C17orf67: variants seen among roughly 807,000 people sequenced by gnomAD.
C17orf67 encodes uncharacterized protein C17orf67.
A neutral mutation model predicts 11.2 loss-of-function variants in C17orf67; 12 were observed. The observed-to-expected ratio is 1.07, with a 90% confidence interval of 0.68 to 1.73. C17orf67 has a LOEUF of 1.73. C17orf67 is among the 40% of genes most tolerant of loss of function. The pLI, the probability that C17orf67 is intolerant of heterozygous loss-of-function variation, is 0.00. For synonymous variants in C17orf67, 59 were observed against 46.9 expected (o/e 1.26, Z -1.05); for missense variants, 115 against 113.5 (o/e 1.01, Z -0.06).
intron 6 of C17orf67, among the ~76,000 whole-genome samples, chr17:56,809,334 T>G (rs1167976845): frequency 6.6e-6 from 1 of 151,898 alleles, no homozygotes. Flanking sequence ...TGCTGTGGCA[T>G]CCAAGTACCT....
intron 6 of C17orf67, among the ~76,000 whole-genome samples, chr17:56,800,981 T>C (rs1905307275): frequency 6.6e-6 from 1 of 152,244 alleles, no homozygotes; most frequent in Admixed American, 6.5e-5. Context: ...CCCAGGAGTT[T>C]GAGGCTTCAG....
rs374561084 is a variant in C17orf67, at chr17:56,827,163, C to T, written c.-556-1842G>A. 2.5e-4 allele frequency among the ~76,000 whole-genome samples: 38 copies of T among 152,376 alleles called. No homozygotes were observed. The South Asian group carries it at 7.5e-3, about 30-fold the overall frequency. ...ATCCCAACATTCAAAACTGTGCCAG[C>T]TCTCACCAGATGGTGAGAAAGTGCG... is the stretch of plus-strand genomic sequence containing the variant. On this transcript the variant is annotated intron_variant, in intron 2 of 7. Transcript: ENST00000397861.
intron 4 of C17orf67, among the ~76,000 whole-genome samples, chr17:56,819,897 G>C (rs1212452821): frequency 6.6e-6 from 1 of 152,228 alleles, no homozygotes; most frequent in Non-Finnish European, 1.5e-5. Context: ...AGGGGAAAGA[G>C]CTCAAGGCCA....
chr17:56,801,808 T>C (rs911110875), intron 6 of C17orf67, among the ~76,000 whole-genome samples: 3 of 152,196 alleles, frequency 2.0e-5, no homozygotes, highest in African/African-American at 7.2e-5. Flanking sequence ...TGCAGTCTTG[T>C]AAATAAGGAA....
At chr17:56,825,944 A>AATGT (rs1906015489) in intron 2 of C17orf67, among the ~76,000 whole-genome samples, 1 of 90,186 alleles carries the variant, frequency 1.1e-5, no homozygotes, top group Non-Finnish European at 2.5e-5. Context: ...GAAACCTGTG[A>AATGT]GTGTGTGTGT....
At chr17:56,806,402 A>G (rs142837006) in intron 6 of C17orf67, among the ~76,000 whole-genome samples, 287 of 152,334 alleles carry the variant, frequency 1.9e-3, no homozygotes, top group African/African-American at 6.6e-3. Context: ...ACATCAAATC[A>G]CCACCTTTAA....
At chr17:56,815,095 A>G (rs1212917595) in intron 5 of C17orf67, 126 bp from the exon 6 acceptor site, 1 of 790,128 alleles carries the variant, frequency 1.3e-6, no homozygotes, top group African/African-American at 1.7e-5. Flanking sequence ...TTTCCCGGGG[A>G]CCTGTCCCAA....
At chr17:56,818,854 T>C (rs1905828174) in intron 4 of C17orf67, among the ~76,000 whole-genome samples, 1 of 152,198 alleles carries the variant, frequency 6.6e-6, no homozygotes, top group African/African-American at 2.4e-5. Flanking sequence ...GCTACCATAT[T>C]AGACAACATG....
At chr17:56,819,869 C>T (rs1905856642) in intron 4 of C17orf67, among the ~76,000 whole-genome samples, 1 of 152,096 alleles carries the variant, frequency 6.6e-6, no homozygotes, top group African/African-American at 2.4e-5. Flanking sequence ...GAAGGTGGAA[C>T]CAGGGACAAC....
chr17:56,824,127 T>C (rs939695296), intron 4 of C17orf67, among the ~76,000 whole-genome samples: 1 of 152,216 alleles, frequency 6.6e-6, no homozygotes, highest in Non-Finnish European at 1.5e-5. Context: ...AGCACCACCC[T>C]CCTGAATGGA....
chr17:56,804,174 C>T (rs1208986524), intron 6 of C17orf67: 1 of 152,140 alleles, frequency 6.6e-6, no homozygotes, highest in Non-Finnish European at 1.5e-5. Context: ...AATTATTTCT[C>T]AGTAATTAGA....
At chr17:56,832,343 T>C (rs1906231362) in intron 2 of C17orf67, among the ~76,000 whole-genome samples, 1 of 152,234 alleles carries the variant, frequency 6.6e-6, no homozygotes, top group South Asian at 2.1e-4. Flanking sequence ...GAACTCACTG[T>C]TGGCTATTGC....
chr17:56,820,450 ACACT>A lies in C17orf67; in HGVS notation c.-201+4285_-201+4288del, dbSNP rs376845780. On this transcript the variant is annotated intron_variant, in intron 4 of 7. Transcript: ENST00000397861. The stretch of plus-strand genomic sequence containing the variant: ...CACACTCTCACACACCCACCCACAC[ACACT>A]CACGCGGGGACAATTCAGACACACC... Among the ~76,000 whole-genome samples, 489 of 152,076 alleles carry A rather than the reference ACACT, an allele frequency of 3.2e-3. 1 individual carries two copies. The highest frequency in any genetic ancestry group is 5.6e-3 in the Non-Finnish European group (378 of 68,002).
chr17:56,800,105 G>A (rs1223595835), intron 6 of C17orf67, among the ~76,000 whole-genome samples: 5 of 121,840 alleles, frequency 4.1e-5, no homozygotes, highest in East Asian at 2.4e-4. Context: ...TCGCTCTGTC[G>A]CCCAGGCTGG....
chr17:56,804,718 T>C (rs1905404740), intron 6 of C17orf67, among the ~76,000 whole-genome samples: 1 of 152,098 alleles, frequency 6.6e-6, no homozygotes, highest in South Asian at 2.1e-4. Context: ...TATTCCCAGG[T>C]TTCACAAGCA....
chr17:56,822,807 A>G (rs1378956754), intron 4 of C17orf67, among the ~76,000 whole-genome samples: 1 of 152,168 alleles, frequency 6.6e-6, no homozygotes, highest in Non-Finnish European at 1.5e-5. Flanking sequence ...CCCTTTACAT[A>G]TCCTCAGCAC....
rs1256573704 is a variant in C17orf67 at position 56,815,892 on chromosome 17, T to C, written c.-82A>G. 1 of 1,603,290 alleles carries C rather than the reference T, an allele frequency of 6.2e-7. No homozygotes were observed. On this transcript the variant is annotated 5_prime_UTR_variant, in exon 5 of 8. Transcript: ENST00000397861. ...ACTTGAAGGAAGCCATGCCAGGCCC[T>C]GCGCTTGTTTATGCTTTGACTAACG...
intron 6 of C17orf67, among the ~76,000 whole-genome samples, chr17:56,799,879 C>G (rs1332769364): frequency 6.6e-6 from 1 of 151,284 alleles, no homozygotes; most frequent in Non-Finnish European, 1.5e-5. Context: ...GATGTCTATT[C>G]AAGTCTTTTG....
At chr17:56,802,564 T>C (rs1245332433) in intron 6 of C17orf67, among the ~76,000 whole-genome samples, 1 of 152,198 alleles carries the variant, frequency 6.6e-6, no homozygotes, top group Non-Finnish European at 1.5e-5. Flanking sequence ...GCCCACGCCT[T>C]TGTAAAAAGT....
Sources: allele counts gnomAD v4.1 joint callset (sites outside exome capture counted in the v4.1 genomes callset), GRCh38; gene constraint gnomAD v4.1.1; transcripts MANE v1.5; gene names NCBI Gene and HGNC (gene_info 2026-07-23, HGNC 2026-07-21).